SHC3: variants seen among roughly 807,000 people sequenced by gnomAD.
The protein encoded by SHC3 is SHC-transforming protein 3.
Under a neutral mutation model 60.4 loss-of-function variants are expected in SHC3, and 15 were observed. The ratio of observed to expected loss-of-function variants is 0.25; its 90% confidence interval spans 0.17 to 0.38. The LOEUF is 0.38. SHC3 is among the 10% of genes least tolerant of loss of function. The pLI is 1.00. For missense variants in SHC3, 677 were observed against 786.1 expected, an observed-to-expected ratio of 0.86 and a Z score of 1.66; for synonymous variants, 294 against 325.9, an observed-to-expected ratio of 0.90 and a Z score of 1.05.
At chr9:89,094,041 T>C (rs1264859274) in intron 2 of SHC3, among the ~76,000 whole-genome samples, 3 of 150,128 alleles carry the variant, frequency 2.0e-5, no homozygotes, top group Non-Finnish European at 4.4e-5. Context: ...GAAGCAGAGG[T>C]TGCAGTGAGC....
At chr9:89,079,757 G>A (rs1825416477) in intron 2 of SHC3, among the ~76,000 whole-genome samples, 1 of 152,174 alleles carries the variant, frequency 6.6e-6, no homozygotes. Context: ...AGAACAGAAT[G>A]CACAGGTCTC....
chr9:89,036,829 G>A (rs184142763), intron 11 of SHC3, among the ~76,000 whole-genome samples: 2 of 152,046 alleles, frequency 1.3e-5, no homozygotes, highest in East Asian at 1.9e-4. Flanking sequence ...CTTGACCTAC[G>A]GGGCTCAAGC....
chr9:89,128,921 A>G (rs1032269809), intron 1 of SHC3, among the ~76,000 whole-genome samples: 2 of 152,210 alleles, frequency 1.3e-5, no homozygotes, highest in African/African-American at 4.8e-5. Flanking sequence ...AAGTTGAGAA[A>G]AGAAGGCTTC....
intron 2 of SHC3, among the ~76,000 whole-genome samples, chr9:89,087,487 A>T (rs1825550538): frequency 6.6e-6 from 1 of 152,078 alleles, no homozygotes; most frequent in South Asian, 2.1e-4. Flanking sequence ...CTGCAGGGGG[A>T]CGAGGTCCAC....
At chr9:89,029,279 G>C (rs1289632080) in intron 11 of SHC3, among the ~76,000 whole-genome samples, 1 of 151,998 alleles carries the variant, frequency 6.6e-6, no homozygotes, top group African/African-American at 2.4e-5. Flanking sequence ...CAGAATGAAA[G>C]TGTTCATCAA....
intron 1 of SHC3, among the ~76,000 whole-genome samples, chr9:89,170,757 AAC>A (rs1826857817): frequency 6.6e-6 from 1 of 152,264 alleles, no homozygotes; most frequent in East Asian, 1.9e-4. Flanking sequence ...AATTAAAAAT[AAC>A]ACAAATCGAA....
At chr9:89,147,060 A>G (rs967293714) in intron 1 of SHC3, among the ~76,000 whole-genome samples, 2 of 152,204 alleles carry the variant, frequency 1.3e-5, no homozygotes, top group African/African-American at 4.8e-5. Flanking sequence ...TCAACAGCGT[A>G]ATGAATGAAC....
intron 7 of SHC3, among the ~76,000 whole-genome samples, chr9:89,047,204 A>G (rs376704018): frequency 7.2e-5 from 11 of 152,378 alleles, no homozygotes; most frequent in Non-Finnish European, 8.8e-5. Context: ...GAACATTTCA[A>G]TCATGTTTGA....
At chr9:89,097,669 T>C (rs1825724910) in intron 2 of SHC3, among the ~76,000 whole-genome samples, 1 of 152,340 alleles carries the variant, frequency 6.6e-6, no homozygotes, top group Non-Finnish European at 1.5e-5. Context: ...GAGCACCTAC[T>C]ATGTGCTGGG....
At position 89,178,241 on chromosome 9, in the gene SHC3, G is replaced by A; in HGVS notation, c.220C>T (p.Leu74=). The change falls in exon 1 of 12, where the codon CTG becomes TTG. Residue 74 remains leucine (L), a synonymous_variant. Transcript: ENST00000375835. The surrounding 1 kb of genome is among the most constrained non-coding windows in gnomAD (Gnocchi z 6.9). ...LGHLLHKVSH[L]KLSSSGLRGL... ...CGGAGGCCCGAGCTGGAGAGTTTCA[G>A]GTGGGACACCTTGTGGAGCAGGTGG... is the stretch of plus-strand genomic sequence containing the variant. 1 of 1,516,778 alleles carries A rather than the reference G, an allele frequency of 6.6e-7. No individual in the cohort carries two copies. The highest frequency in any genetic ancestry group is 8.8e-7 in the Non-Finnish European group (1 of 1,134,662). The allele number at this position is 1,516,778 out of a possible 1,614,324, so 94.0% of individuals were successfully genotyped here.
intron 2 of SHC3, among the ~76,000 whole-genome samples, chr9:89,080,755 A>ATATG (rs1335051195): frequency 6.9e-6 from 1 of 145,446 alleles, no homozygotes; most frequent in African/African-American, 2.5e-5. Flanking sequence ...ATATATATAT[A>ATATG]TATGTATGTA....
At chr9:89,128,565 T>A (rs778252098) in intron 1 of SHC3, among the ~76,000 whole-genome samples, 24 of 152,140 alleles carry the variant, frequency 1.6e-4, no homozygotes, top group Admixed American at 3.9e-4. Context: ...AGAGGAAGGA[T>A]CAGGCAGCAA....
chr9:89,136,785 C>G (rs987576483), intron 1 of SHC3, among the ~76,000 whole-genome samples: 1 of 152,290 alleles, frequency 6.6e-6, no homozygotes, highest in East Asian at 1.9e-4. Context: ...CAAGAATACT[C>G]TCTTGGGGTC....
chr9:89,068,913 A>G (rs551895747), intron 5 of SHC3, among the ~76,000 whole-genome samples: 39 of 152,346 alleles, frequency 2.6e-4, no homozygotes, highest in Non-Finnish European at 5.0e-4. Context: ...CTCCAAATTT[A>G]AGAAACTATG....
chr9:89,126,432 C>T (rs1323643196), intron 1 of SHC3, among the ~76,000 whole-genome samples: 2 of 152,166 alleles, frequency 1.3e-5, no homozygotes, highest in African/African-American at 2.4e-5. Context: ...AATTAATCTG[C>T]CTTGCACTCT....
At chr9:89,059,931 T>C (rs570748858) in intron 6 of SHC3, among the ~76,000 whole-genome samples, 2 of 139,612 alleles carry the variant, frequency 1.4e-5, no homozygotes, top group Admixed American at 1.4e-4. Context: ...TCATATAGGA[T>C]GTGGTGGAGG....
intron 2 of SHC3, among the ~76,000 whole-genome samples, chr9:89,102,032 TC>T (rs1358379596): frequency 1.3e-5 from 2 of 152,170 alleles, no homozygotes; most frequent in Non-Finnish European, 2.9e-5. Context: ...TCTCTTTTTT[TC>T]TTTAGCAAAC....
intron 6 of SHC3, among the ~76,000 whole-genome samples, chr9:89,057,315 C>CTTTT (rs10606274): frequency 9.7e-5 from 13 of 133,716 alleles, no homozygotes; most frequent in Non-Finnish European, 1.7e-4. Context: ...TTTCCTTTTT[C>CTTTT]TTTTTTTTTT....
At chr9:89,064,047 C>T (rs1587706056) in intron 6 of SHC3, among the ~76,000 whole-genome samples, 1 of 152,298 alleles carries the variant, frequency 6.6e-6, no homozygotes, top group East Asian at 1.9e-4. Flanking sequence ...CTTGCTGTGT[C>T]CTCACATGGG....
Sources: allele counts gnomAD v4.1 joint callset (sites outside exome capture counted in the v4.1 genomes callset), GRCh38; gene constraint gnomAD v4.1.1; non-coding constraint Gnocchi (gnomAD v3.1); transcripts MANE v1.5; gene names NCBI Gene and HGNC (gene_info 2026-07-23, HGNC 2026-07-21).